CACNA2D3: variants seen among roughly 807,000 people sequenced by gnomAD.
The protein encoded by CACNA2D3 is voltage-dependent calcium channel subunit alpha-2/delta-3.
CACNA2D3 carries 60 observed loss-of-function variants against 160.6 expected under a neutral mutation model. The observed-to-expected ratio is 0.37, with a 90% CI of 0.30 to 0.46. The LOEUF (loss-of-function observed/expected upper bound fraction) is 0.46, where lower values mean the gene tolerates loss of function less well. CACNA2D3 is among the 20% of genes least tolerant of loss of function. The pLI is 1.00. For synonymous variants in CACNA2D3, 558 were observed against 492.9 expected, an observed-to-expected ratio of 1.13 and a Z score of -1.75; for missense variants, 1,205 against 1,365.0, an observed-to-expected ratio of 0.88 and a Z score of 1.85.
intron 4 of CACNA2D3, among the ~76,000 whole-genome samples, chr3:54,494,364 C>T (rs1020596258): frequency 3.9e-5 from 6 of 152,140 alleles, no homozygotes; most frequent in African/African-American, 1.4e-4. Flanking sequence ...AACACACAAT[C>T]GTCCCTGGTA....
At chr3:54,276,572 C>CAAAAA (rs34052239) in intron 2 of CACNA2D3, among the ~76,000 whole-genome samples, 1 of 114,600 alleles carries the variant, frequency 8.7e-6, no homozygotes, top group East Asian at 2.3e-4. Context: ...GACTCTGTCT[C>CAAAAA]AAAAAAAAAA....
intron 4 of CACNA2D3, among the ~76,000 whole-genome samples, chr3:54,495,919 T>G (rs1701195723): frequency 6.6e-6 from 1 of 152,232 alleles, no homozygotes; most frequent in African/African-American, 2.4e-5. Flanking sequence ...ATCATGCATA[T>G]GTACTCTTTT....
At chr3:54,485,337 T>A (rs939934656) in intron 4 of CACNA2D3, among the ~76,000 whole-genome samples, 1 of 152,216 alleles carries the variant, frequency 6.6e-6, no homozygotes, top group African/African-American at 2.4e-5. Flanking sequence ...GAGAATTTTT[T>A]AACTTGAACC....
At chr3:54,211,738 C>T (rs927511412) in intron 2 of CACNA2D3, among the ~76,000 whole-genome samples, 15 of 152,070 alleles carry the variant, frequency 9.9e-5, no homozygotes, top group African/African-American at 3.6e-4. Flanking sequence ...TGCTTCTTTA[C>T]CAGTGTACGT....
At chr3:54,156,492 C>T (rs912131810) in intron 2 of CACNA2D3, among the ~76,000 whole-genome samples, 8 of 152,186 alleles carry the variant, frequency 5.3e-5, no homozygotes, top group African/African-American at 1.7e-4. Flanking sequence ...CTGCTACACC[C>T]GTAGTGCCTA....
At chr3:54,892,759 C>T (rs1280749436) in intron 25 of CACNA2D3, among the ~76,000 whole-genome samples, 2 of 152,134 alleles carry the variant, frequency 1.3e-5, no homozygotes, top group African/African-American at 4.8e-5. Flanking sequence ...AGAAAGTCTG[C>T]TGCTGGCATT....
At position 55,007,787 on chromosome 3, in the gene CACNA2D3, C is replaced by T; in HGVS notation, c.2767-3C>T. The T allele has an allele frequency of 2.6e-6, 4 of 1,550,390 alleles. No individual in the cohort carries two copies. Among genetic ancestry groups the T allele is most frequent in the South Asian group, 1.2e-5 (1 of 80,204 alleles). On this transcript the variant is annotated splice_region_variant and splice_polypyrimidine_tract_variant and intron_variant, in intron 32 of 37. Transcript: ENST00000474759. ...TTTTAATGAACTGAATTCTTCTCTTCAGCCTTATAATGCCTTCCTCTCTGC... is the reference window on the plus strand; with the variant it reads ...TTTTAATGAACTGAATTCTTCTCTTTAGCCTTATAATGCCTTCCTCTCTGC...
intron 35 of CACNA2D3, among the ~76,000 whole-genome samples, chr3:55,064,879 G>A (rs1315350762): frequency 6.6e-6 from 1 of 152,102 alleles, no homozygotes; most frequent in African/African-American, 2.4e-5. Flanking sequence ...TAGGGAAACG[G>A]AGGAAATTAT....
intron 27 of CACNA2D3, among the ~76,000 whole-genome samples, chr3:54,945,410 G>A (rs764800102): frequency 8.6e-5 from 13 of 152,008 alleles, no homozygotes; most frequent in Non-Finnish European, 1.8e-4. Flanking sequence ...TCTCTTTTTT[G>A]ACCTCTCTCT....
intron 35 of CACNA2D3, among the ~76,000 whole-genome samples, chr3:55,038,787 A>G (rs1201934461): frequency 6.7e-6 from 1 of 150,244 alleles, no homozygotes; most frequent in East Asian, 2.0e-4. Context: ...GATAAAAGTC[A>G]GTCGTGGTTC....
chr3:54,419,653 G>T (rs1248669912), intron 4 of CACNA2D3, among the ~76,000 whole-genome samples: 3 of 152,148 alleles, frequency 2.0e-5, no homozygotes, highest in Non-Finnish European at 4.4e-5. Context: ...TAACTCTAGG[G>T]CAGGTAGTCT....
At chr3:54,282,785 TAA>T (rs1022285870) in intron 2 of CACNA2D3, among the ~76,000 whole-genome samples, 6 of 151,932 alleles carry the variant, frequency 3.9e-5, no homozygotes, top group African/African-American at 1.4e-4. Context: ...TGTGAGAGAA[TAA>T]AAGACATCAC....
intron 2 of CACNA2D3, among the ~76,000 whole-genome samples, chr3:54,261,761 C>T (rs911274971): frequency 2.0e-5 from 3 of 152,200 alleles, no homozygotes; most frequent in African/African-American, 7.2e-5. Context: ...TTCTACCTCT[C>T]ACTATCCTTG....
At chr3:54,356,126 T>C (rs1026249199) in intron 3 of CACNA2D3, among the ~76,000 whole-genome samples, 5 of 152,206 alleles carry the variant, frequency 3.3e-5, no homozygotes, top group South Asian at 2.1e-4. Flanking sequence ...GGCGGGGACA[T>C]TGGGAGCAGC....
intron 2 of CACNA2D3, among the ~76,000 whole-genome samples, chr3:54,164,400 C>T (rs1700409929): frequency 6.6e-6 from 1 of 152,230 alleles, no homozygotes; most frequent in Admixed American, 6.5e-5. Context: ...GGGAGCTGTT[C>T]ACACACTGAG....
At chr3:54,274,310 A>T (rs9840196) in intron 2 of CACNA2D3, among the ~76,000 whole-genome samples, 42,660 of 151,914 alleles carry the variant, frequency 0.28, 6,514 homozygotes, top group East Asian at 0.42. Context: ...ATTCATTCTT[A>T]TAGATTATTT....
intron 14 of CACNA2D3, among the ~76,000 whole-genome samples, chr3:54,822,542 C>T (rs1315228944): frequency 2.6e-5 from 4 of 152,170 alleles, no homozygotes; most frequent in Non-Finnish European, 5.9e-5. Context: ...TTCCATGGCC[C>T]TATCCAACTT....
chr3:54,497,636 C>T (rs1163404839), intron 4 of CACNA2D3, among the ~76,000 whole-genome samples: 1 of 151,930 alleles, frequency 6.6e-6, no homozygotes, highest in Non-Finnish European at 1.5e-5. Flanking sequence ...ACCACCTTTA[C>T]AGTATTGAAC....
chr3:54,965,256 C>T (rs994612886), intron 27 of CACNA2D3, among the ~76,000 whole-genome samples: 2 of 152,046 alleles, frequency 1.3e-5, no homozygotes, highest in Admixed American at 6.6e-5. Flanking sequence ...ACTCTTGAAG[C>T]TTTGGCCTGA....
Sources: gnomAD v4.1 joint callset for allele counts (sites outside exome capture counted in the v4.1 genomes callset) on GRCh38, gnomAD v4.1.1 for gene constraint, MANE v1.5 for transcripts, NCBI Gene and HGNC (gene_info 2026-07-23, HGNC 2026-07-21) for gene names.